The following PIEZO2 variants were observed in gnomAD, a reference collection of about 807,000 sequenced individuals.
PIEZO2 encodes the protein piezo type mechanosensitive ion channel component 2.
PIEZO2 carries 172 observed loss-of-function variants against 337.3 expected under a neutral mutation model. The observed-to-expected ratio is 0.51, with a 90% CI of 0.45 to 0.58. PIEZO2 has a LOEUF of 0.58. Among genes scored for constraint, PIEZO2 ranks in the 20% least tolerant of loss-of-function variants. The pLI is 0.00. For synonymous variants in PIEZO2, 1,251 were observed against 1,228.5 expected, an observed-to-expected ratio of 1.02 and a Z score of -0.38; for missense variants, 3,028 against 3,391.3, an observed-to-expected ratio of 0.89 and a Z score of 2.66.
chr18:10,913,536 T>C (rs753213508), intron 3 of PIEZO2, among the ~76,000 whole-genome samples: 2 of 152,204 alleles, frequency 1.3e-5, no homozygotes, highest in African/African-American at 2.4e-5. Context: ...TTATTTTTTA[T>C]TTTTAATAGG....
chr18:11,118,348 C>T (rs7232768), intron 1 of PIEZO2, among the ~76,000 whole-genome samples: 83,653 of 151,942 alleles, frequency 0.55, 26,460 homozygotes, highest in Non-Finnish European at 0.7. Context: ...ATACTCATTT[C>T]CTTTTTATTC....
At chr18:10,891,141 T>G (rs544317325) in intron 4 of PIEZO2, among the ~76,000 whole-genome samples, 1 of 152,142 alleles carries the variant, frequency 6.6e-6, no homozygotes, top group Non-Finnish European at 1.5e-5. Flanking sequence ...GAGAGCAACA[T>G]GGTGAAACCC....
intron 30 of PIEZO2, among the ~76,000 whole-genome samples, chr18:10,745,263 T>G (rs1366241243): frequency 2.6e-5 from 4 of 152,178 alleles, no homozygotes; most frequent in East Asian, 3.9e-4. Flanking sequence ...AATTCCTGCT[T>G]CTTCCTCTCT....
chr18:10,809,695 A>T (rs183346550), intron 7 of PIEZO2, among the ~76,000 whole-genome samples: 1 of 152,244 alleles, frequency 6.6e-6, no homozygotes, highest in African/African-American at 2.4e-5. Flanking sequence ...ACTACACAGC[A>T]TCCAACAATT....
At chr18:10,705,862 C>CA in intron 40 of PIEZO2, 116 bp from the exon 41 acceptor site, 1 of 1,251,014 alleles carries the variant, frequency 8.0e-7, no homozygotes, top group Non-Finnish European at 1.1e-6. Flanking sequence ...CATTTTCCCC[C>CA]CTGCATTCCA....
In PIEZO2 at chr18:11,149,201, C is replaced by A. The variant is rs2146317880; in HGVS notation, c.-613G>T. 6.6e-6 allele frequency among the ~76,000 whole-genome samples: 1 copy of A among 152,106 alleles called. No homozygotes were observed. The highest frequency in any genetic ancestry group is 2.0e-4 in the East Asian group (1 of 5,102). On this transcript the variant is annotated 5_prime_UTR_variant, in exon 1 of 56. Coordinates refer to ENST00000674853, the MANE Select transcript of PIEZO2 (RefSeq NM_001378183.1). The surrounding 1 kb of genome is among the most constrained non-coding windows in gnomAD (Gnocchi z 8.7). Reference sequence around the variant, plus strand: ...AGCCCCCAGGCGGCCCGCGGCGGATCCCCGAGAGGCAGCGCAGCTCAGCCC... The same window carrying A: ...AGCCCCCAGGCGGCCCGCGGCGGATACCCGAGAGGCAGCGCAGCTCAGCCC...
chr18:10,933,723 AC>A (rs1248405999), intron 3 of PIEZO2, among the ~76,000 whole-genome samples: 2 of 152,220 alleles, frequency 1.3e-5, no homozygotes, highest in Non-Finnish European at 2.9e-5. Flanking sequence ...CTATGTCCCC[AC>A]CCAAATCTCA....
chr18:10,869,682 C>G (rs1385477932), intron 5 of PIEZO2, among the ~76,000 whole-genome samples: 2 of 152,108 alleles, frequency 1.3e-5, no homozygotes, highest in South Asian at 4.1e-4. Context: ...GAAGAAGAAG[C>G]ACTCTTCCGT....
chr18:10,925,019 C>T (rs867238465), intron 3 of PIEZO2, among the ~76,000 whole-genome samples: 6 of 152,110 alleles, frequency 3.9e-5, no homozygotes, highest in African/African-American at 1.4e-4. Context: ...TTTTCCTGAA[C>T]ATATGTCAAA....
chr18:10,705,572 G>A lies in PIEZO2; in HGVS notation c.5763C>T (p.Ser1921=). The A allele has an allele frequency of 2.0e-6, 3 of 1,537,252 alleles. No individual in the cohort carries two copies. The highest frequency in any genetic ancestry group is 2.0e-5 in the Admixed American group (1 of 50,994). The part of the protein sequence containing the change: ...DVGAMGAEEA[S]LTPEEELTQF... Reference sequence around the variant, plus strand: ...GTGTCAGCTCTTCCTCTGGGGTGAGGCTGGCCTCCTCGGCACCCATGGCTC... The same window carrying A: ...GTGTCAGCTCTTCCTCTGGGGTGAGACTGGCCTCCTCGGCACCCATGGCTC... Residue 1921 remains serine (S), a synonymous_variant, in exon 41 of 56, where the codon AGC becomes AGT. Transcript: ENST00000674853.
At chr18:11,029,922 G>A (rs1229014125) in intron 2 of PIEZO2, among the ~76,000 whole-genome samples, 4 of 152,096 alleles carry the variant, frequency 2.6e-5, no homozygotes, top group South Asian at 2.1e-4. Context: ...TATCTTCTGC[G>A]TTCCCCACTG....
At chr18:10,902,715 C>A (rs1404550169) in intron 4 of PIEZO2, among the ~76,000 whole-genome samples, 1 of 152,128 alleles carries the variant, frequency 6.6e-6, no homozygotes, top group African/African-American at 2.4e-5. Flanking sequence ...TTTCATATCA[C>A]TTAAGAGAGT....
In PIEZO2 at chr18:10,746,164, A is replaced by T. The variant is rs1210025702; in HGVS notation, c.4425-1933T>A. ...CGCTGCCTATACCCATCTATTCTCCATACCACAAACAGAGTGAGCTTCCTG... is the reference window on the plus strand; with the variant it reads ...CGCTGCCTATACCCATCTATTCTCCTTACCACAAACAGAGTGAGCTTCCTG... On this transcript the variant is annotated intron_variant, in intron 30 of 55. Transcript: ENST00000674853. The surrounding 1 kb of genome is among the most constrained non-coding windows in gnomAD (Gnocchi z 4.2). 6.6e-6 allele frequency among the ~76,000 whole-genome samples: 1 copy of T among 152,190 alleles called. No homozygotes were observed. The highest frequency in any genetic ancestry group is 2.4e-5 in the African/African-American group (1 of 41,430).
Position 10,716,034 on chromosome 18 carries a change from T to C in PIEZO2, c.5090-218A>G, listed in dbSNP as rs562181048. ...CACGCAGTGGCAGACCAAATCAGGA[T>C]AGAACTTGTAATCTTTAGTGGAAAC... On this transcript the variant is annotated intron_variant, in intron 37 of 55. Transcript: ENST00000674853. The surrounding 1 kb of genome is among the most constrained non-coding windows in gnomAD (Gnocchi z 4.1). Among the ~76,000 whole-genome samples the C allele has an allele frequency of 4.6e-5, 7 of 152,294 alleles. No homozygotes were observed. Among genetic ancestry groups the C allele is most frequent in the African/African-American group, 1.2e-4 (5 of 41,542 alleles).
At position 10,697,800 on chromosome 18, in the gene PIEZO2, T is replaced by C; in HGVS notation, c.6775A>G (p.Met2259Val). Residue 2259 changes from methionine to valine, a missense_variant, in exon 45 of 56, where the codon ATG becomes GTG. Met to Val is a conservative substitution (Grantham distance 21). Coordinates refer to ENST00000674853, the MANE Select transcript of PIEZO2 (RefSeq NM_001378183.1). ...ATTAAATGTTCTTGAAGCTTTTCCATATAAAGTTCCCTTTTGCCTTTTTGC... is the reference window on the plus strand; with the variant it reads ...ATTAAATGTTCTTGAAGCTTTTCCACATAAAGTTCCCTTTTGCCTTTTTGC... ...IKQKGKRELY[M>V]EKLQEHLIKA... The C allele has an allele frequency of 2.5e-6, 4 of 1,614,230 alleles. No homozygotes were observed. The highest frequency in any genetic ancestry group is 3.4e-6 in the Non-Finnish European group (4 of 1,180,036).
At chr18:10,799,694 C>A (rs193256016) in intron 11 of PIEZO2, among the ~76,000 whole-genome samples, 2 of 152,232 alleles carry the variant, frequency 1.3e-5, no homozygotes, top group East Asian at 3.9e-4. Context: ...AACACTCAGC[C>A]GGGTGCGGTG....
chr18:10,955,769 A>G (rs1250206560), intron 3 of PIEZO2, among the ~76,000 whole-genome samples: 1 of 152,168 alleles, frequency 6.6e-6, no homozygotes, highest in Non-Finnish European at 1.5e-5. Context: ...ATGTTTTCTT[A>G]GTAAGTAAGT....
At chr18:11,145,437 G>A (rs2040785626) in intron 1 of PIEZO2, among the ~76,000 whole-genome samples, 1 of 152,122 alleles carries the variant, frequency 6.6e-6, no homozygotes. Flanking sequence ...AAAACACTAG[G>A]AATCTCTGTG....
rs564616169 is a variant in PIEZO2, at chr18:10,834,975, G to A, written c.917+20378C>T. Among the ~76,000 whole-genome samples, 2 of 152,308 alleles carry A rather than the reference G, an allele frequency of 1.3e-5. No homozygotes were observed. Among genetic ancestry groups the A allele is most frequent in the South Asian group, 4.1e-4 (2 of 4,820 alleles). On this transcript the variant is annotated intron_variant, in intron 7 of 55. Transcript: ENST00000674853. This position sits in a 1 kb window ranked among gnomAD's most constrained non-coding sequence, Gnocchi z 4.5. ...TATTAAGAAGTCGGGCCTTTGAGGG[G>A]CGATTAGGTCACAAGGGAGAAGCCC...
Sources: gnomAD v4.1 joint callset for allele counts (sites outside exome capture counted in the v4.1 genomes callset) on GRCh38, gnomAD v4.1.1 for gene constraint, Gnocchi (gnomAD v3.1) non-coding constraint, MANE v1.5 for transcripts, NCBI Gene and HGNC (gene_info 2026-07-23, HGNC 2026-07-21) for gene names.